Variants in SLCO6A1 observed in about 807,000 individuals in gnomAD.
SLCO6A1 encodes the protein solute carrier organic anion transporter family member 6A1.
Under a neutral mutation model 72.7 loss-of-function variants are expected in SLCO6A1, and 65 were observed. That is an observed-to-expected ratio of 0.89 (90% CI 0.73 to 1.10). The LOEUF (loss-of-function observed/expected upper bound fraction) is 1.10. SLCO6A1 is among the 50% of genes least tolerant of loss of function. The pLI, the probability that SLCO6A1 is intolerant of heterozygous loss-of-function variation, is 0.00. For synonymous variants in SLCO6A1, 314 were observed against 298.2 expected, an observed-to-expected ratio of 1.05 and a Z score of -0.55; for missense variants, 874 against 872.6, an observed-to-expected ratio of 1.00 and a Z score of -0.02.
At chr5:102,382,218 CT>C (rs1393352067) in intron 12 of SLCO6A1, among the ~76,000 whole-genome samples, 42 of 151,664 alleles carry the variant, frequency 2.8e-4, no homozygotes, top group Non-Finnish European at 1.5e-5. Context: ...TATGGCTATC[CT>C]GTTTTCTCTG....
chr5:102,413,278 G>T, intron 8 of SLCO6A1, 135 bp from the exon 9 acceptor site: 1 of 800,142 alleles, frequency 1.2e-6, no homozygotes, highest in Non-Finnish European at 1.9e-6. Flanking sequence ...ACTGAGGTCT[G>T]AGGTACAATA....
intron 12 of SLCO6A1, among the ~76,000 whole-genome samples, chr5:102,376,620 T>C (rs10041015): frequency 0.36 from 55,283 of 151,884 alleles, 10,346 homozygotes; most frequent in Middle Eastern, 0.41. Context: ...AAGTCAATAA[T>C]AGAACACAAA....
intron 9 of SLCO6A1, among the ~76,000 whole-genome samples, chr5:102,406,450 G>A (rs1388849013): frequency 2.0e-5 from 3 of 151,904 alleles, no homozygotes; most frequent in African/African-American, 7.2e-5. Flanking sequence ...GCATATACAC[G>A]TTAATACACA....
intron 12 of SLCO6A1, among the ~76,000 whole-genome samples, chr5:102,374,027 T>G (rs568467854): frequency 7.0e-6 from 1 of 143,202 alleles, no homozygotes; most frequent in South Asian, 2.2e-4. Flanking sequence ...TTCAATTTTT[T>G]TAAATTAATT....
At chr5:102,415,479 A>G (rs1748231745) in intron 8 of SLCO6A1, among the ~76,000 whole-genome samples, 1 of 152,174 alleles carries the variant, frequency 6.6e-6, no homozygotes, top group African/African-American at 2.4e-5. Flanking sequence ...TTTTCAATAT[A>G]TGATGCTGGG....
At chr5:102,412,339 T>C (rs1224193143) in intron 9 of SLCO6A1, among the ~76,000 whole-genome samples, 2 of 152,136 alleles carry the variant, frequency 1.3e-5, no homozygotes, top group Non-Finnish European at 2.9e-5. Context: ...TGGTCACTCA[T>C]ATCTGGCTGA....
chr5:102,414,249 G>A (rs1748148127), intron 8 of SLCO6A1, among the ~76,000 whole-genome samples: 1 of 151,916 alleles, frequency 6.6e-6, no homozygotes, highest in Admixed American at 6.6e-5. Flanking sequence ...TTTATATGGT[G>A]CAAGATGTGA....
In SLCO6A1 at chr5:102,384,300, A is replaced by G. The variant is rs80013699; in HGVS notation, c.2017+4388T>C. On this transcript the variant is annotated intron_variant, in intron 12 of 13. Transcript: ENST00000506729. ...TTCAGTCAGTCAGTAATGTTTGATT[A>G]GAGATTTTAACCTATTTACATTTAA... is the stretch of plus-strand genomic sequence containing the variant. 8.3e-3 allele frequency among the ~76,000 whole-genome samples: 1,256 copies of G among 152,024 alleles called. 12 individuals carry two copies. The highest frequency in any genetic ancestry group is 0.015 in the Non-Finnish European group (1,008 of 67,864).
intron 6 of SLCO6A1, among the ~76,000 whole-genome samples, chr5:102,452,822 A>C (rs1156351389): frequency 6.6e-6 from 1 of 152,160 alleles, no homozygotes; most frequent in African/African-American, 2.4e-5. Flanking sequence ...CCAATCAATA[A>C]GTCTTATAAT....
chr5:102,434,571 T>G (rs1354089934), intron 7 of SLCO6A1, among the ~76,000 whole-genome samples: 1 of 152,176 alleles, frequency 6.6e-6, no homozygotes, highest in Admixed American at 6.5e-5. Flanking sequence ...TGAAACTAAG[T>G]TAGGTTAACT....
At chr5:102,387,893 C>T (rs1295264406) in intron 12 of SLCO6A1, among the ~76,000 whole-genome samples, 2 of 152,054 alleles carry the variant, frequency 1.3e-5, no homozygotes, top group African/African-American at 2.4e-5. Flanking sequence ...ATAAGTTTTC[C>T]AAAGTTATAA....
intron 7 of SLCO6A1, among the ~76,000 whole-genome samples, chr5:102,426,304 A>G (rs1292818477): frequency 6.6e-6 from 1 of 152,218 alleles, no homozygotes; most frequent in African/African-American, 2.4e-5. Flanking sequence ...CTGCACAGCA[A>G]AAGAAACTAT....
chr5:102,493,066 TA>T (rs550310585), intron 1 of SLCO6A1, among the ~76,000 whole-genome samples: 1 of 151,964 alleles, frequency 6.6e-6, no homozygotes, highest in Non-Finnish European at 1.5e-5. Flanking sequence ...TAAAGTGTAT[TA>T]AAAAAAATAC....
intron 6 of SLCO6A1, among the ~76,000 whole-genome samples, chr5:102,454,903 T>G (rs1750619803): frequency 6.6e-6 from 1 of 150,616 alleles, no homozygotes; most frequent in African/African-American, 2.4e-5. Context: ...GTTTATGATT[T>G]GATTAAAAGA....
intron 7 of SLCO6A1, among the ~76,000 whole-genome samples, chr5:102,421,000 C>G (rs574555130): frequency 6.6e-6 from 1 of 152,020 alleles, no homozygotes; most frequent in African/African-American, 2.4e-5. Flanking sequence ...TCACCTCACC[C>G]GAGAAGCAGA....
chr5:102,494,082 A>G (rs1752801724), intron 1 of SLCO6A1, among the ~76,000 whole-genome samples: 1 of 152,182 alleles, frequency 6.6e-6, no homozygotes, highest in African/African-American at 2.4e-5. Flanking sequence ...GCATAAGTAT[A>G]GATGTATTAG....
At chr5:102,428,697 C>T (rs1164047324) in intron 7 of SLCO6A1, among the ~76,000 whole-genome samples, 2 of 152,146 alleles carry the variant, frequency 1.3e-5, no homozygotes, top group Admixed American at 6.6e-5. Context: ...GTTCTCTTTG[C>T]ATCTATAGGT....
intron 12 of SLCO6A1, among the ~76,000 whole-genome samples, chr5:102,374,641 T>C (rs1745680064): frequency 6.6e-6 from 1 of 152,246 alleles, no homozygotes; most frequent in Non-Finnish European, 1.5e-5. Context: ...ATGCCATTTA[T>C]AATGATACAA....
At chr5:102,374,657 T>C (rs1283820151) in intron 12 of SLCO6A1, among the ~76,000 whole-genome samples, 3 of 152,188 alleles carry the variant, frequency 2.0e-5, no homozygotes, top group Non-Finnish European at 4.4e-5. Context: ...TACAATAACA[T>C]TTTATACATT....
Sources: allele counts gnomAD v4.1 joint callset (sites outside exome capture counted in the v4.1 genomes callset), GRCh38; gene constraint gnomAD v4.1.1; transcripts MANE v1.5; gene names NCBI Gene and HGNC (gene_info 2026-07-23, HGNC 2026-07-21).